CCDC171: variants seen among roughly 807,000 people sequenced by gnomAD.
CCDC171 encodes coiled-coil domain-containing protein 171.
In CCDC171, 177 loss-of-function variants were observed where a neutral mutation model predicts 168.2. The ratio of observed to expected loss-of-function variants is 1.05; its 90% CI spans 0.93 to 1.19. CCDC171 has a LOEUF of 1.19. Ranked by LOEUF, CCDC171 falls within the 50% of genes most tolerant of loss-of-function variation. The pLI is 0.00. For synonymous variants in CCDC171, 687 were observed against 540.8 expected, an observed-to-expected ratio of 1.27 and a Z score of -3.75; for missense variants, 1,991 against 1,539.0, an observed-to-expected ratio of 1.29 and a Z score of -4.91.
chr9:16,062,948 A>T (rs1364568945), downstream of CCDC171, among the ~76,000 whole-genome samples: 1 of 152,186 alleles, frequency 6.6e-6, no homozygotes, highest in South Asian at 2.1e-4. Context: ...TTGGAACTAA[A>T]TAGTGAAACC....
chr9:15,661,108 A>G (rs10733294), intron 8 of CCDC171, among the ~76,000 whole-genome samples: 142,437 of 152,086 alleles, frequency 0.94, 66,796 homozygotes, highest in East Asian at 1. Context: ...GGGAAACCCC[A>G]TCCCTACTAA....
At chr9:15,688,581 A>C (rs899594745) in intron 10 of CCDC171, among the ~76,000 whole-genome samples, 1 of 152,208 alleles carries the variant, frequency 6.6e-6, no homozygotes, top group African/African-American at 2.4e-5. Context: ...AAATCAGCTA[A>C]TGTAATAAAT....
the CCDC171 span, among the ~76,000 whole-genome samples, chr9:16,071,338 G>C: frequency 6.6e-6 from 1 of 152,098 alleles, no homozygotes; most frequent in African/African-American, 2.4e-5. Flanking sequence ...ACACCTTGTT[G>C]TCTCTCCCAT....
downstream of CCDC171, among the ~76,000 whole-genome samples, chr9:16,065,667 C>G (rs1273891633): frequency 6.6e-6 from 1 of 152,174 alleles, no homozygotes; most frequent in Non-Finnish European, 1.5e-5. Flanking sequence ...AACATGATGA[C>G]ATTATTCACT....
At chr9:15,805,372 G>C (rs1234218279) in intron 21 of CCDC171, among the ~76,000 whole-genome samples, 1 of 152,046 alleles carries the variant, frequency 6.6e-6, no homozygotes, top group Non-Finnish European at 1.5e-5. Flanking sequence ...TTTTTGATGT[G>C]GGCATTTAGT....
At chr9:16,098,221 ATAT>A in the CCDC171 span, among the ~76,000 whole-genome samples, 1 of 152,160 alleles carries the variant, frequency 6.6e-6, no homozygotes, top group South Asian at 2.1e-4. Context: ...AATGGGGCTA[ATAT>A]TATTACCCTA....
At chr9:16,042,772 C>G (rs1833593917), upstream of CCDC171, 1 of 151,878 alleles carries the variant, frequency 6.6e-6, no homozygotes, top group Non-Finnish European at 1.5e-5. Flanking sequence ...GAAAATAACT[C>G]TTTTTTTTGT....
chr9:15,876,249 T>C (rs1169470), intron 24 of CCDC171, among the ~76,000 whole-genome samples: 119,147 of 151,996 alleles, frequency 0.78, 47,374 homozygotes, highest in East Asian at 0.85. Flanking sequence ...GTTCCATTGA[T>C]ATGCTGTAAT....
At chr9:15,694,123 C>A (rs1322670165) in intron 10 of CCDC171, among the ~76,000 whole-genome samples, 2 of 152,112 alleles carry the variant, frequency 1.3e-5, no homozygotes, top group African/African-American at 2.4e-5. Context: ...TCTTGTATCC[C>A]CTTCTGTTTT....
chr9:16,040,940 A>G (rs1391459360), upstream of CCDC171, among the ~76,000 whole-genome samples: 1 of 152,028 alleles, frequency 6.6e-6, no homozygotes, highest in East Asian at 1.9e-4. Flanking sequence ...CTTGCTTTAT[A>G]CATAAGAAAT....
intron 21 of CCDC171, among the ~76,000 whole-genome samples, chr9:15,825,403 A>G (rs533433855): frequency 6.6e-6 from 1 of 152,186 alleles, no homozygotes; most frequent in Non-Finnish European, 1.5e-5. Context: ...TAATGTAACC[A>G]CTATAAAGTG....
chr9:15,734,118 T>G (rs1588193820), intron 16 of CCDC171, among the ~76,000 whole-genome samples: 1 of 152,208 alleles, frequency 6.6e-6, no homozygotes, highest in South Asian at 2.1e-4. Context: ...TCACAAATGC[T>G]AATGTTTTAG....
At position 15,784,966 on chromosome 9, in the gene CCDC171, T is replaced by C. The variant is rs149784424; in HGVS notation, c.3267+272T>C. ...TTATTATTAACAATAAAATTAACAA[T>C]AAATTTTTGTTTCTTTTATCTTCTT... On this transcript the variant is annotated intron_variant, in intron 21 of 25. Transcript: ENST00000380701. 3.0e-3 allele frequency among the ~76,000 whole-genome samples: 461 copies of C among 152,264 alleles called. 1 individual carries two copies. The highest frequency in any genetic ancestry group is 5.7e-3 in the Non-Finnish European group (388 of 67,994).
In CCDC171 at chr9:15,871,108, C is replaced by A. The variant is rs61312344; in HGVS notation, c.3469-3424C>A. Among the ~76,000 whole-genome samples, 1,152 of 151,148 alleles carry A rather than the reference C, an allele frequency of 7.6e-3. 12 individuals carry two copies. The highest frequency in any genetic ancestry group is 0.026 in the African/African-American group (1,090 of 41,344). ...AAAGTAAACTGTTCTTTCTAAAAAT[C>A]AAAATTTTAGAGTAGAAGTAATATA... On this transcript the variant is annotated intron_variant, in intron 23 of 25. Transcript: ENST00000380701.
chr9:15,867,989 C>G (rs1588924571), intron 23 of CCDC171, among the ~76,000 whole-genome samples: 1 of 152,006 alleles, frequency 6.6e-6, no homozygotes, highest in African/African-American at 2.4e-5. Flanking sequence ...TATTTTCCAG[C>G]TTGATAATTT....
chr9:15,742,965 G>T (rs1302103208), intron 16 of CCDC171, among the ~76,000 whole-genome samples: 1 of 151,360 alleles, frequency 6.6e-6, no homozygotes, highest in African/African-American at 2.4e-5. Flanking sequence ...TTTTTGTAGA[G>T]ACAGGGTCTT....
intron 25 of CCDC171, among the ~76,000 whole-genome samples, chr9:15,951,311 C>G (rs375814996): frequency 6.6e-6 from 1 of 151,874 alleles, no homozygotes; most frequent in East Asian, 2.0e-4. Flanking sequence ...CCGAAATCAA[C>G]AGAATATACA....
At chr9:15,638,300 A>G (rs972406760) in intron 7 of CCDC171, among the ~76,000 whole-genome samples, 3 of 152,174 alleles carry the variant, frequency 2.0e-5, no homozygotes, top group African/African-American at 7.2e-5. Flanking sequence ...ATTAGTTAGT[A>G]TATTTTATGT....
chr9:15,585,183 G>T (rs999422915), intron 4 of CCDC171, among the ~76,000 whole-genome samples: 46 of 152,078 alleles, frequency 3.0e-4, no homozygotes, highest in Admixed American at 2.8e-3. Flanking sequence ...AAAAAACCTG[G>T]CCGTTTCTTT....
Sources: gnomAD v4.1 joint callset for allele counts (sites outside exome capture counted in the v4.1 genomes callset) on GRCh38, gnomAD v4.1.1 for gene constraint, MANE v1.5 for transcripts, NCBI Gene and HGNC (gene_info 2026-07-23, HGNC 2026-07-21) for gene names.